Variants in DLGAP2 observed in about 807,000 individuals in gnomAD.
DLGAP2 encodes the protein disks large-associated protein 2.
Under a neutral mutation model 100.3 loss-of-function variants are expected in DLGAP2, and 26 were observed. The ratio of observed to expected loss-of-function variants is 0.26; its 90% CI spans 0.19 to 0.36. The LOEUF is 0.36. Among genes scored for constraint, DLGAP2 ranks in the 10% least tolerant of loss-of-function variants. The pLI, the probability that DLGAP2 is intolerant of heterozygous loss-of-function variation, is 1.00. For synonymous variants in DLGAP2, 886 were observed against 630.1 expected (o/e 1.41, Z -6.08); for missense variants, 1,858 against 1,453.2 (o/e 1.28, Z -4.53).
intron 3 of DLGAP2, among the ~76,000 whole-genome samples, chr8:1,442,210 T>C (rs1049290554): frequency 9.7e-6 from 1 of 102,748 alleles, no homozygotes; most frequent in African/African-American, 3.0e-5. Flanking sequence ...TGCTGATGGG[T>C]TCAGCCACCG....
intron 3 of DLGAP2, among the ~76,000 whole-genome samples, chr8:1,421,679 C>T (rs1797090612): frequency 6.6e-6 from 1 of 152,254 alleles, no homozygotes; most frequent in Non-Finnish European, 1.5e-5. Flanking sequence ...TAACAAAATT[C>T]ATAAGGCTAG....
At chr8:881,490 A>G (rs1585968254) in intron 1 of DLGAP2, among the ~76,000 whole-genome samples, 1 of 93,394 alleles carries the variant, frequency 1.1e-5, no homozygotes, top group Non-Finnish European at 2.2e-5. Context: ...TTACCATTTC[A>G]TCTCTCTTTT....
At chr8:1,089,637 T>C (rs1441797445) in intron 2 of DLGAP2, among the ~76,000 whole-genome samples, 1 of 152,198 alleles carries the variant, frequency 6.6e-6, no homozygotes, top group Non-Finnish European at 1.5e-5. Flanking sequence ...TGAAAAATGA[T>C]AGGTTCATAT....
At chr8:1,147,147 C>G (rs1165040736) in intron 2 of DLGAP2, among the ~76,000 whole-genome samples, 1 of 152,092 alleles carries the variant, frequency 6.6e-6, no homozygotes, top group Non-Finnish European at 1.5e-5. Context: ...TTCTTTGGGC[C>G]CTCTGAAGTT....
rs914779842 is a variant in DLGAP2 at position 1,337,139 on chromosome 8, G to C, written c.106+78256G>C. Among the ~76,000 whole-genome samples the C allele has an allele frequency of 2.7e-5, 4 of 150,730 alleles. No individual in the cohort carries two copies. The East Asian group carries it at 5.9e-4, about 22-fold the overall frequency. On this transcript the variant is annotated intron_variant, in intron 3 of 14. Coordinates refer to ENST00000637795, the MANE Select transcript of DLGAP2 (RefSeq NM_001346810.2). ...AATGATGATGATGAGGATGATAATGGTGGTGAGAATGATGGTGATGATGGT... is the reference window on the plus strand; with the variant it reads ...AATGATGATGATGAGGATGATAATGCTGGTGAGAATGATGGTGATGATGGT...
At chr8:945,158 T>C (rs1322598687) in intron 2 of DLGAP2, among the ~76,000 whole-genome samples, 1 of 152,230 alleles carries the variant, frequency 6.6e-6, no homozygotes, top group Non-Finnish European at 1.5e-5. Flanking sequence ...CCATGACTTT[T>C]GTTTTTATTT....
chr8:1,017,766 G>A (rs982515291), intron 2 of DLGAP2, among the ~76,000 whole-genome samples: 2 of 151,982 alleles, frequency 1.3e-5, no homozygotes, highest in Non-Finnish European at 2.9e-5. Context: ...CCGTGGGCGG[G>A]TAGACTCGTC....
chr8:1,622,122 A>C (rs1265664672), intron 6 of DLGAP2: 1 of 152,264 alleles, frequency 6.6e-6, no homozygotes, highest in Non-Finnish European at 1.5e-5. Context: ...ATGTGCACGC[A>C]CAGCACACGC....
intron 3 of DLGAP2, among the ~76,000 whole-genome samples, chr8:1,320,072 T>G (rs551417822): frequency 6.6e-6 from 1 of 150,414 alleles, no homozygotes; most frequent in Non-Finnish European, 1.5e-5. Context: ...AACTCGGGAG[T>G]GGTTGGGCTC....
chr8:976,082 C>G (rs1366291322), intron 2 of DLGAP2, among the ~76,000 whole-genome samples: 1 of 151,926 alleles, frequency 6.6e-6, no homozygotes, highest in Non-Finnish European at 1.5e-5. Context: ...ATGGAAGACA[C>G]AAGATAAAAT....
intron 2 of DLGAP2, among the ~76,000 whole-genome samples, chr8:1,168,652 T>C (rs1016055844): frequency 3.4e-5 from 5 of 147,634 alleles, no homozygotes; most frequent in African/African-American, 1.0e-4. Context: ...CATTTTTTCA[T>C]GTGTTTTTTG....
chr8:1,458,821 G>A (rs142023990), intron 3 of DLGAP2, among the ~76,000 whole-genome samples: 74 of 152,304 alleles, frequency 4.9e-4, no homozygotes, highest in Admixed American at 7.8e-4. Flanking sequence ...GAAGGCAGCC[G>A]CACAGGGTGT....
intron 1 of DLGAP2, among the ~76,000 whole-genome samples, chr8:822,535 G>A (rs112929904): frequency 2.6e-5 from 4 of 152,338 alleles, no homozygotes; most frequent in African/African-American, 7.2e-5. Context: ...AGAAATTCGG[G>A]AGGCCTGACA....
intron 8 of DLGAP2, among the ~76,000 whole-genome samples, chr8:1,654,593 G>A (rs6997617): frequency 0.04 from 6,089 of 150,956 alleles, 412 homozygotes; most frequent in African/African-American, 0.14. Context: ...CCCGGGAGGC[G>A]GAGGTTGCAG....
At chr8:1,133,216 G>A (rs1366068743) in intron 2 of DLGAP2, among the ~76,000 whole-genome samples, 1 of 152,142 alleles carries the variant, frequency 6.6e-6, no homozygotes, top group Non-Finnish European at 1.5e-5. Context: ...CAGATACCTG[G>A]CATTTTTCTG....
intron 2 of DLGAP2, among the ~76,000 whole-genome samples, chr8:1,206,807 C>G (rs529736435): frequency 1.3e-5 from 2 of 152,350 alleles, no homozygotes; most frequent in South Asian, 4.1e-4. Context: ...CACCTGCAGG[C>G]TAAGGCTCCA....
In DLGAP2 at chr8:1,551,820, A is replaced by AT. The variant is rs1801777327; in HGVS notation, c.1230+2138dup. Among the ~76,000 whole-genome samples, 4 of 152,308 alleles carry AT rather than the reference A, an allele frequency of 2.6e-5. No individual in the cohort carries two copies. The South Asian group carries it at 8.3e-4, about 32-fold the overall frequency. The stretch of plus-strand genomic sequence containing the variant: ...TGATGAGTACGCTTTCTTTTGAAAC[A>AT]TAACCACCTGCATTATATCATCCTG... On this transcript the variant is annotated intron_variant, in intron 5 of 14. Transcript: ENST00000637795.
At chr8:1,287,006 A>G (rs1453494525) in intron 3 of DLGAP2, among the ~76,000 whole-genome samples, 1 of 152,248 alleles carries the variant, frequency 6.6e-6, no homozygotes, top group African/African-American at 2.4e-5. Flanking sequence ...GGTCAGTTTT[A>G]TAACGTGAAC....
At chr8:1,628,384 C>G (rs1166026542) in intron 7 of DLGAP2, among the ~76,000 whole-genome samples, 7 of 134,734 alleles carry the variant, frequency 5.2e-5, no homozygotes, top group African/African-American at 9.4e-5. Context: ...CTCACATTCT[C>G]TCTGACTTAC....
Sources: gnomAD v4.1 joint callset for allele counts (sites outside exome capture counted in the v4.1 genomes callset) on GRCh38, gnomAD v4.1.1 for gene constraint, MANE v1.5 for transcripts, NCBI Gene and HGNC (gene_info 2026-07-23, HGNC 2026-07-21) for gene names.